The following NREP variants were observed in gnomAD, a reference collection of about 807,000 sequenced individuals.
The protein encoded by NREP is neuronal regeneration related protein.
Under a neutral mutation model 8.6 loss-of-function variants are expected in NREP, and 5 were observed. The observed-to-expected ratio is 0.58, with a 90% CI of 0.30 to 1.22. The LOEUF (loss-of-function observed/expected upper bound fraction) is 1.22. Ranked by LOEUF, NREP falls within the 50% of genes most tolerant of loss-of-function variation. The pLI is 0.07. For missense variants in NREP, 86 were observed against 82.5 expected (o/e 1.04, Z -0.17); for synonymous variants, 27 against 28.0 (o/e 0.96, Z 0.11).
intron 2 of NREP, among the ~76,000 whole-genome samples, chr5:111,925,937 A>G (rs575119576): frequency 1.9e-4 from 29 of 152,188 alleles, no homozygotes; most frequent in African/African-American, 6.3e-4. Context: ...TTGGTCTGCT[A>G]TAAGAAACAT....
intron 2 of NREP, among the ~76,000 whole-genome samples, chr5:111,921,220 C>T (rs747166625): frequency 6.6e-6 from 1 of 152,058 alleles, no homozygotes; most frequent in Non-Finnish European, 1.5e-5. Flanking sequence ...AGGGTTTAAG[C>T]AACAACTTGT....
Position 111,906,232 on chromosome 5 carries a change from A to G in NREP, c.135+69042T>C, listed in dbSNP as rs1386206215. On this transcript the variant is annotated intron_variant, in intron 2 of 3. Transcript: ENST00000395634. The stretch of plus-strand genomic sequence containing the variant: ...CTAGAGTTTTTTAATTGGTATCTCT[A>G]TAGAGGCAGGAATTTTGCAATGTGT... Among the ~76,000 whole-genome samples, 4 of 152,052 alleles carry G rather than the reference A, an allele frequency of 2.6e-5. No individual in the cohort carries two copies. The East Asian group carries it at 7.7e-4, about 29-fold the overall frequency.
intron 2 of NREP, among the ~76,000 whole-genome samples, chr5:111,875,884 C>G (rs941368095): frequency 6.6e-6 from 1 of 152,156 alleles, no homozygotes; most frequent in Non-Finnish European, 1.5e-5. Context: ...GAATAGCTCT[C>G]TCCTACAGAG....
chr5:111,920,768 CA>C (rs1205667564), intron 2 of NREP, among the ~76,000 whole-genome samples: 7 of 152,108 alleles, frequency 4.6e-5, no homozygotes, highest in African/African-American at 1.7e-4. Flanking sequence ...CTTCCTACTG[CA>C]CATTTATAAA....
chr5:111,756,296 T>TAAAAAAAA, intron 1 of NREP: 2 of 237,956 alleles, frequency 8.4e-6, no homozygotes, highest in Non-Finnish European at 1.0e-5. Context: ...CTTCCGTGTT[T>TAAAAAAAA]AAAAAAAAAA....
At chr5:111,951,960 G>C (rs73787744) in intron 2 of NREP, among the ~76,000 whole-genome samples, 1 of 152,108 alleles carries the variant, frequency 6.6e-6, no homozygotes, top group African/African-American at 2.4e-5. Flanking sequence ...ATTTCACTTA[G>C]AGCTCCTCTT....
chr5:111,780,465 T>A (rs1478125219), intron 2 of NREP, among the ~76,000 whole-genome samples: 5 of 152,066 alleles, frequency 3.3e-5, no homozygotes, highest in Admixed American at 3.3e-4. Context: ...AATTAGGGGT[T>A]TTCAATATTC....
At position 111,735,593 on chromosome 5, in the gene NREP, C is replaced by T. The variant is rs547911399; in HGVS notation, c.4-86G>A. 2.0e-5 allele frequency: 18 copies of T among 895,174 alleles called. 1 individual carries two copies. Among genetic ancestry groups the T allele is most frequent in the Non-Finnish European group, 3.3e-5 (18 of 551,648 alleles). 55.5% of individuals were successfully genotyped at this position (895,174 alleles called of 1,614,324 possible). Reference sequence around the variant, plus strand: ...CGGGATAACCTTAATGAGCTCAATTCTCCTCAATGGTTACTTATTCCCGAC... The same window carrying T: ...CGGGATAACCTTAATGAGCTCAATTTTCCTCAATGGTTACTTATTCCCGAC... On this transcript the variant is annotated intron_variant, in intron 2 of 3. Coordinates refer to ENST00000257435, the MANE Select transcript of NREP (RefSeq NM_004772.4).
At chr5:111,897,480 A>G (rs1208235491) in intron 2 of NREP, among the ~76,000 whole-genome samples, 2 of 152,144 alleles carry the variant, frequency 1.3e-5, no homozygotes, top group Non-Finnish European at 2.9e-5. Flanking sequence ...TCTATATAAT[A>G]TACTTTTCCC....
In NREP at chr5:111,903,033, A is replaced by G. The variant is rs190589770; in HGVS notation, c.135+72241T>C. ...TTTTATGTTGAGAAGTTTATATTTT[A>G]TATTTTTATCTTTTAATTCTATTTT... On this transcript the variant is annotated intron_variant, in intron 2 of 3. Transcript: ENST00000395634. 3.1e-3 allele frequency among the ~76,000 whole-genome samples: 458 copies of G among 145,872 alleles called. 9 individuals carry two copies. Among genetic ancestry groups the G allele is most frequent in the Admixed American group, 0.028 (409 of 14,782 alleles).
chr5:111,951,983 T>C (rs1407506954), intron 2 of NREP, among the ~76,000 whole-genome samples: 1 of 152,076 alleles, frequency 6.6e-6, no homozygotes, highest in African/African-American at 2.4e-5. Flanking sequence ...CCAAACCCTA[T>C]ATCCTATTCT....
intron 2 of NREP, among the ~76,000 whole-genome samples, chr5:111,883,759 T>A (rs181319032): frequency 5.4e-4 from 82 of 152,222 alleles, no homozygotes; most frequent in Middle Eastern, 6.8e-3. Context: ...GAAATAAAGA[T>A]GTTCTTTGAA....
chr5:111,896,904 G>A (rs1754524740), intron 2 of NREP, among the ~76,000 whole-genome samples: 1 of 152,120 alleles, frequency 6.6e-6, no homozygotes, highest in South Asian at 2.1e-4. Flanking sequence ...ATTATCCTTA[G>A]TCCCAGACAG....
intron 2 of NREP, among the ~76,000 whole-genome samples, chr5:111,879,454 T>A (rs1017324514): frequency 6.6e-6 from 1 of 152,186 alleles, no homozygotes; most frequent in African/African-American, 2.4e-5. Flanking sequence ...TGCTCAATGA[T>A]AAGGATAAAT....
intron 2 of NREP, among the ~76,000 whole-genome samples, chr5:111,969,228 C>T (rs952726540): frequency 5.3e-5 from 8 of 152,298 alleles, no homozygotes; most frequent in Non-Finnish European, 1.2e-4. Context: ...ATCACATTTA[C>T]AGATTTCAAG....
intron 2 of NREP, among the ~76,000 whole-genome samples, chr5:111,954,588 T>C (rs934972807): frequency 1.3e-5 from 2 of 152,124 alleles, no homozygotes; most frequent in Non-Finnish European, 2.9e-5. Context: ...CACTGTTAGA[T>C]TGGAAAATAA....
chr5:111,878,210 T>C (rs780424171), intron 2 of NREP, among the ~76,000 whole-genome samples: 3 of 152,214 alleles, frequency 2.0e-5, no homozygotes, highest in Non-Finnish European at 4.4e-5. Context: ...TAAATATTCA[T>C]ATAATAGATG....
intron 2 of NREP, among the ~76,000 whole-genome samples, chr5:111,844,741 T>G (rs955374251): frequency 2.1e-4 from 32 of 148,912 alleles, no homozygotes; most frequent in African/African-American, 7.1e-4. Context: ...GTTGCCTGAC[T>G]CTTATTGTTA....
intron 2 of NREP, among the ~76,000 whole-genome samples, chr5:111,879,394 T>A (rs541404748): frequency 1.3e-5 from 2 of 152,342 alleles, no homozygotes; most frequent in African/African-American, 4.8e-5. Flanking sequence ...TGCATTCTAA[T>A]GGAGAAAATA....
Sources: allele counts gnomAD v4.1 joint callset (sites outside exome capture counted in the v4.1 genomes callset), GRCh38; gene constraint gnomAD v4.1.1; transcripts MANE v1.5; gene names NCBI Gene and HGNC (gene_info 2026-07-23, HGNC 2026-07-21).